Variants in PCDH15 observed in about 807,000 individuals in gnomAD.
The protein encoded by PCDH15 is protocadherin related 15.
Under a neutral mutation model 178.5 loss-of-function variants are expected in PCDH15, and 129 were observed. The ratio of observed to expected loss-of-function variants is 0.72; its 90% CI spans 0.63 to 0.84. PCDH15 has a LOEUF of 0.84. Ranked by LOEUF, PCDH15 falls within the 40% of genes least tolerant of loss-of-function variation. The pLI is 0.00. For missense variants in PCDH15, 2,230 were observed against 2,099.9 expected, an observed-to-expected ratio of 1.06 and a Z score of -1.21; for synonymous variants, 800 against 732.0, an observed-to-expected ratio of 1.09 and a Z score of -1.50.
chr10:55,025,113 T>G (rs1840443750), intron 2 of PCDH15, among the ~76,000 whole-genome samples: 1 of 152,146 alleles, frequency 6.6e-6, no homozygotes, highest in Admixed American at 6.5e-5. Context: ...ATACATTATG[T>G]TGTAGCCATA....
chr10:55,050,825 T>A (rs1841143857), intron 2 of PCDH15, among the ~76,000 whole-genome samples: 1 of 152,120 alleles, frequency 6.6e-6, no homozygotes, highest in Non-Finnish European at 1.5e-5. Context: ...TGCAAATTCA[T>A]GATGAAAATT....
chr10:54,306,338 G>C (rs888521267), intron 8 of PCDH15, among the ~76,000 whole-genome samples: 3 of 152,022 alleles, frequency 2.0e-5, no homozygotes, highest in Non-Finnish European at 4.4e-5. Context: ...GTATGTATAT[G>C]TGTATGTTTC....
At chr10:53,836,828 C>T (rs972524531) in intron 29 of PCDH15, among the ~76,000 whole-genome samples, 3 of 152,146 alleles carry the variant, frequency 2.0e-5, no homozygotes, top group Non-Finnish European at 4.4e-5. Flanking sequence ...TTGGAACTGT[C>T]AGACAGGAAC....
intron 1 of PCDH15, among the ~76,000 whole-genome samples, chr10:54,717,991 C>T (rs2095501676): frequency 6.8e-6 from 1 of 147,672 alleles, no homozygotes; most frequent in Non-Finnish European, 1.5e-5. Context: ...AATCATCATT[C>T]TCAGTAAAAT....
At chr10:54,905,156 A>T (rs1954698363) in intron 2 of PCDH15, among the ~76,000 whole-genome samples, 1 of 152,038 alleles carries the variant, frequency 6.6e-6, no homozygotes, top group African/African-American at 2.4e-5. Context: ...TTCTTTCCTC[A>T]GTTGCACAGT....
chr10:55,496,842 G>T (rs982400828), intron 2 of PCDH15, among the ~76,000 whole-genome samples: 2 of 151,708 alleles, frequency 1.3e-5, no homozygotes, highest in African/African-American at 4.8e-5. Flanking sequence ...AATTATTATT[G>T]ACTGCTTTCA....
chr10:54,422,111 GGA>G (rs1473667376), intron 3 of PCDH15, among the ~76,000 whole-genome samples: 9 of 151,412 alleles, frequency 5.9e-5, no homozygotes, highest in Non-Finnish European at 1.3e-4. Flanking sequence ...ATGAATTATT[GGA>G]TAGATTGAGA....
chr10:55,043,493 G>A (rs1840919248), intron 2 of PCDH15, among the ~76,000 whole-genome samples: 1 of 151,886 alleles, frequency 6.6e-6, no homozygotes, highest in Non-Finnish European at 1.5e-5. Flanking sequence ...AGGATTACTT[G>A]AGCCCAGAAG....
chr10:54,645,438 A>G (rs1414087366), intron 2 of PCDH15, among the ~76,000 whole-genome samples: 5 of 152,140 alleles, frequency 3.3e-5, no homozygotes, highest in Non-Finnish European at 7.4e-5. Context: ...AAAAATAGTA[A>G]AAGCATTTAT....
At chr10:53,941,703 A>G (rs147608602) in intron 23 of PCDH15, among the ~76,000 whole-genome samples, 1 of 152,330 alleles carries the variant, frequency 6.6e-6, no homozygotes, top group East Asian at 1.9e-4. Context: ...TGGATTTTAT[A>G]GTAAGACTGT....
chr10:55,059,749 C>T (rs573359065), intron 2 of PCDH15, among the ~76,000 whole-genome samples: 3 of 152,066 alleles, frequency 2.0e-5, no homozygotes, highest in Admixed American at 1.3e-4. Flanking sequence ...GAACATAATG[C>T]CTGTAAAATA....
intron 3 of PCDH15, among the ~76,000 whole-genome samples, chr10:54,520,540 C>G (rs1034873949): frequency 6.6e-6 from 1 of 152,022 alleles, no homozygotes; most frequent in Non-Finnish European, 1.5e-5. Context: ...GTTAGAATAG[C>G]AATCATTAAA....
intron 20 of PCDH15, among the ~76,000 whole-genome samples, chr10:54,009,061 T>C (rs574832455): frequency 4.9e-4 from 75 of 152,150 alleles, no homozygotes; most frequent in Non-Finnish European, 9.9e-4. Flanking sequence ...AATCCATAAT[T>C]TTGTCTTGTC....
chr10:53,808,812 A>G, intron 37 of PCDH15: 1 of 1,611,170 alleles, frequency 6.2e-7, no homozygotes, highest in Non-Finnish European at 8.5e-7. Context: ...GACTTTCGCT[A>G]CTACTGCTAC....
intron 2 of PCDH15, among the ~76,000 whole-genome samples, chr10:55,428,295 C>A (rs1398417249): frequency 2.6e-5 from 4 of 151,776 alleles, no homozygotes; most frequent in Non-Finnish European, 5.9e-5. Flanking sequence ...GTGTATTTAT[C>A]TATTTCTTCT....
chr10:54,812,765 ATAT>A (rs1221971933), intron 3 of PCDH15, among the ~76,000 whole-genome samples: 2 of 151,996 alleles, frequency 1.3e-5, no homozygotes, highest in South Asian at 2.1e-4. Flanking sequence ...CCTTTTTAAA[ATAT>A]TATTATTTTT....
intron 8 of PCDH15, among the ~76,000 whole-genome samples, chr10:54,263,710 A>G (rs747405165): frequency 1.3e-5 from 2 of 152,034 alleles, no homozygotes; most frequent in Non-Finnish European, 2.9e-5. Context: ...CACCACAGTC[A>G]TACTTTCAAG....
chr10:53,990,843 T>C (rs1390144699), intron 21 of PCDH15, among the ~76,000 whole-genome samples: 1 of 152,022 alleles, frequency 6.6e-6, no homozygotes, highest in Non-Finnish European at 1.5e-5. Flanking sequence ...GGGCTGTGCA[T>C]GGTGCTTGTG....
rs1484530342 is a variant in PCDH15 at position 53,805,803 on chromosome 10, T to TAA, written c.*774_*775dup. The TAA allele has an allele frequency of 3.3e-5, 5 of 152,116 alleles. No individual in the cohort carries two copies. Among genetic ancestry groups the TAA allele is most frequent in the African/African-American group, 9.7e-5 (4 of 41,418 alleles). The allele number at this position is 152,116 out of a possible 1,614,324, so 9.4% of individuals were successfully genotyped here. ...TTCTCACTTCCCTAAAAGCTTTTGCTAAGGGTGAGATTTCCATGTTGCTCC... is the reference window on the plus strand; with the variant it reads ...TTCTCACTTCCCTAAAAGCTTTTGCTAAAAGGGTGAGATTTCCATGTTGCTCC... On this transcript the variant is annotated 3_prime_UTR_variant, in exon 38 of 38. Transcript: ENST00000644397.
Sources: allele counts gnomAD v4.1 joint callset (sites outside exome capture counted in the v4.1 genomes callset), GRCh38; gene constraint gnomAD v4.1.1; transcripts MANE v1.5; gene names NCBI Gene and HGNC (gene_info 2026-07-23, HGNC 2026-07-21).